SHQ1: variants seen among roughly 807,000 people sequenced by gnomAD.
The protein encoded by SHQ1 is SHQ1, H/ACA ribonucleoprotein assembly factor, also known as protein SHQ1 homolog.
SHQ1 carries 49 observed loss-of-function variants against 53.8 expected under a neutral mutation model. The ratio of observed to expected loss-of-function variants is 0.91; its 90% CI spans 0.72 to 1.16. The LOEUF (loss-of-function observed/expected upper bound fraction) is 1.16. Among genes scored for constraint, SHQ1 ranks in the 50% most tolerant of loss-of-function variants. The pLI is 0.00. For synonymous variants in SHQ1, 243 were observed against 251.0 expected (o/e 0.97, Z 0.30); for missense variants, 738 against 683.1 (o/e 1.08, Z -0.90).
chr3:72,744,597 T>C (rs1283438253), downstream of SHQ1, among the ~76,000 whole-genome samples: 3 of 152,118 alleles, frequency 2.0e-5, no homozygotes, highest in Non-Finnish European at 4.4e-5. Context: ...CAACTGTGGA[T>C]GGCTGTGCCC....
At chr3:72,759,126 G>A (rs1575676291) in intron 10 of SHQ1, among the ~76,000 whole-genome samples, 2 of 152,120 alleles carry the variant, frequency 1.3e-5, no homozygotes, top group East Asian at 3.9e-4. Flanking sequence ...CAGTTATGGT[G>A]GATTAAAGGC....
chr3:72,818,048 C>G (rs1239954532), intron 6 of SHQ1, among the ~76,000 whole-genome samples: 7 of 151,870 alleles, frequency 4.6e-5, no homozygotes, highest in African/African-American at 7.3e-5. Context: ...CACTGAAAAT[C>G]TAGTATATAC....
At chr3:72,752,986 C>A in intron 10 of SHQ1, 1 of 985,328 alleles carries the variant, frequency 1.0e-6, no homozygotes, top group Non-Finnish European at 1.2e-6. Flanking sequence ...CTCTAAATTA[C>A]CTGCTAGATT....
At chr3:72,787,037 C>T (rs1405728862) in intron 10 of SHQ1, among the ~76,000 whole-genome samples, 3 of 152,166 alleles carry the variant, frequency 2.0e-5, no homozygotes, top group Non-Finnish European at 4.4e-5. Context: ...CTTAAGCTTT[C>T]TAAAATTTTA....
At chr3:72,765,574 GA>G (rs1705710694) in intron 10 of SHQ1, among the ~76,000 whole-genome samples, 1 of 46,968 alleles carries the variant, frequency 2.1e-5, no homozygotes, top group Non-Finnish European at 3.7e-5. Context: ...TTTTTTTTTT[GA>G]GACAGTCTCA....
intron 10 of SHQ1, among the ~76,000 whole-genome samples, chr3:72,777,182 T>C (rs906482173): frequency 6.6e-6 from 1 of 152,114 alleles, no homozygotes; most frequent in African/African-American, 2.4e-5. Context: ...AGCACACCCA[T>C]AAAGGAACAC....
Position 72,813,622 on chromosome 3 carries a change from G to A in SHQ1, c.937-828C>T, listed in dbSNP as rs530355414. Among the ~76,000 whole-genome samples, 196 of 151,800 alleles carry A rather than the reference G, an allele frequency of 1.3e-3. 1 individual carries two copies. The highest frequency in any genetic ancestry group is 4.4e-3 in the African/African-American group (184 of 41,436). On this transcript the variant is annotated intron_variant, in intron 8 of 10. Transcript: ENST00000325599. ...ACTAAAACTACAAAATTAGCCGGGC[G>A]TGGTGGCAGGTGCCTGTAGTCCCAG...
chr3:72,823,500 T>TCA (rs1240897065), intron 6 of SHQ1, among the ~76,000 whole-genome samples: 1 of 152,100 alleles, frequency 6.6e-6, no homozygotes, highest in African/African-American at 2.4e-5. Flanking sequence ...AAACAGGAAG[T>TCA]CACCCAAATG....
intron 4 of SHQ1, among the ~76,000 whole-genome samples, chr3:72,835,361 T>C (rs1707960076): frequency 1.3e-5 from 2 of 152,070 alleles, no homozygotes; most frequent in South Asian, 2.1e-4. Flanking sequence ...TTTCTCTCTG[T>C]CTCCCTCTTC....
chr3:72,754,874 G>C lies in SHQ1; in HGVS notation c.1182-4038C>G, dbSNP rs968991643. ...CATCTATGGAGGTTTAGAAAACAAGGGTAAAATTTGAATCATTTTTGTGAA... is the reference window on the plus strand; with the variant it reads ...CATCTATGGAGGTTTAGAAAACAAGCGTAAAATTTGAATCATTTTTGTGAA... On this transcript the variant is annotated intron_variant, in intron 10 of 10. Transcript: ENST00000325599. Among the ~76,000 whole-genome samples, 7 of 152,134 alleles carry C rather than the reference G, an allele frequency of 4.6e-5. No individual in the cohort carries two copies. The South Asian group carries it at 6.2e-4, about 14-fold the overall frequency.
intron 6 of SHQ1, among the ~76,000 whole-genome samples, chr3:72,821,349 G>A (rs1312696725): frequency 6.6e-6 from 1 of 152,180 alleles, no homozygotes; most frequent in Non-Finnish European, 1.5e-5. Flanking sequence ...AGACAACATG[G>A]GAAATGCGGT....
intron 10 of SHQ1, among the ~76,000 whole-genome samples, chr3:72,766,370 G>A (rs944606485): frequency 2.0e-5 from 3 of 152,000 alleles, no homozygotes; most frequent in Non-Finnish European, 1.5e-5. Context: ...ACCTCTGTGG[G>A]CCAACCTGCA....
chr3:72,750,589 G>A lies in SHQ1; in HGVS notation c.1429C>T (p.Gln477Ter), dbSNP rs1177867415. The change falls in exon 11 of 11, where the codon CAA becomes TAA. Residue 477 changes from glutamine to a stop codon, truncating the protein, a stop_gained. Coordinates refer to ENST00000325599, the MANE Select transcript of SHQ1 (RefSeq NM_018130.3). LOFTEE classifies it low-confidence loss of function (END_TRUNC). ...GATGGACTATCTTTGAGTTCATCTT[G>A]TTCTGAATCTGAGCCTGAGTCTTCG... is the stretch of plus-strand genomic sequence containing the variant. ...GNEDSGSDSE[Q>*]DELKDSPSET... is the part of the protein sequence containing the mutation. 1.2e-6 allele frequency: 2 copies of A among 1,614,214 alleles called. No individual in the cohort carries two copies. Among genetic ancestry groups the A allele is most frequent in the South Asian group, 2.2e-5 (2 of 91,086 alleles).
chr3:72,807,772 C>T (rs796667435), intron 9 of SHQ1, among the ~76,000 whole-genome samples: 2 of 152,180 alleles, frequency 1.3e-5, no homozygotes, highest in African/African-American at 2.4e-5. Context: ...GGTACCATAG[C>T]TCTTCTTTCC....
At chr3:72,753,171 A>G in intron 10 of SHQ1, 1 of 985,458 alleles carries the variant, frequency 1.0e-6, no homozygotes, top group South Asian at 4.7e-5. Context: ...CAGTGAGTGA[A>G]AGTGGTAAAC....
intron 10 of SHQ1, among the ~76,000 whole-genome samples, chr3:72,775,048 G>A (rs1046756254): frequency 1.3e-5 from 2 of 152,198 alleles, no homozygotes; most frequent in Non-Finnish European, 2.9e-5. Context: ...CAGGGAAGCA[G>A]AGGTTGCAGT....
intron 10 of SHQ1, among the ~76,000 whole-genome samples, chr3:72,789,051 G>A (rs1431240019): frequency 2.1e-4 from 28 of 134,456 alleles, no homozygotes; most frequent in Admixed American, 1.0e-3. Flanking sequence ...CCCCCTCTCC[G>A]AGAAACACTC....
At chr3:72,840,352 T>G (rs763772300) in intron 4 of SHQ1, among the ~76,000 whole-genome samples, 3 of 150,648 alleles carry the variant, frequency 2.0e-5, no homozygotes, top group Non-Finnish European at 4.4e-5. Flanking sequence ...TCACTTGAGT[T>G]TGAGACCATC....
At chr3:72,792,805 AAAAAAAC>A in intron 10 of SHQ1, 104 bp downstream of exon 10, 3 of 786,346 alleles carry the variant, frequency 3.8e-6, no homozygotes, top group African/African-American at 1.9e-5. Flanking sequence ...AAAAAAAAAA[AAAAAAAC>A]ACAACTTACT....
Sources: gnomAD v4.1 joint callset for allele counts (sites outside exome capture counted in the v4.1 genomes callset) on GRCh38, gnomAD v4.1.1 for gene constraint, MANE v1.5 for transcripts, NCBI Gene and HGNC (gene_info 2026-07-23, HGNC 2026-07-21) for gene names.